The following PRKCH variants were observed in gnomAD, a reference collection of about 807,000 sequenced individuals.
PRKCH encodes the protein protein kinase C eta type.
Under a neutral mutation model 82.5 loss-of-function variants are expected in PRKCH, and 28 were observed. The observed-to-expected ratio is 0.34, with a 90% CI of 0.25 to 0.47. The LOEUF is 0.47. Among genes scored for constraint, PRKCH ranks in the 20% least tolerant of loss-of-function variants. PRKCH has a pLI of 1.00. For synonymous variants in PRKCH, 322 were observed against 327.4 expected, an observed-to-expected ratio of 0.98 and a Z score of 0.18; for missense variants, 705 against 881.8, an observed-to-expected ratio of 0.80 and a Z score of 2.54.
At position 61,188,842 on chromosome 14, in the gene PRKCH, C is replaced by G. The variant is rs538868649; in HGVS notation, c.-19+1174C>G. 1.6e-4 allele frequency among the ~76,000 whole-genome samples: 24 copies of G among 152,034 alleles called. 1 individual carries two copies. The South Asian group carries it at 5.0e-3, about 32-fold the overall frequency. On this transcript the variant is annotated intron_variant, in intron 1 of 3. Transcript: ENST00000555185. ...TCAAGCGATTCTCCTGCCTCAGCCTCCCGAGCAACTGAGATTACAGGCGCC... is the reference window on the plus strand; with the variant it reads ...TCAAGCGATTCTCCTGCCTCAGCCTGCCGAGCAACTGAGATTACAGGCGCC...
chr14:61,401,867 C>T (rs1372708011), intron 2 of PRKCH, among the ~76,000 whole-genome samples: 1 of 152,204 alleles, frequency 6.6e-6, no homozygotes. Context: ...TTGCATGGAA[C>T]ACCATTTTTA....
intron 1 of PRKCH, among the ~76,000 whole-genome samples, chr14:61,272,016 G>C (rs1050430229): frequency 1.3e-5 from 2 of 152,130 alleles, no homozygotes; most frequent in Non-Finnish European, 2.9e-5. Context: ...ACGAGGTCAG[G>C]AGATCGAGAC....
At chr14:61,403,755 G>A (rs979144772) in intron 2 of PRKCH, among the ~76,000 whole-genome samples, 2 of 152,122 alleles carry the variant, frequency 1.3e-5, no homozygotes, top group African/African-American at 2.4e-5. Context: ...TATGGCACTC[G>A]CTTACTGACT....
intron 4 of PRKCH, among the ~76,000 whole-genome samples, chr14:61,447,139 G>C (rs1475486179): frequency 6.6e-6 from 1 of 152,176 alleles, no homozygotes; most frequent in East Asian, 1.9e-4. Context: ...TCAGAAAAAG[G>C]AAAATTATCA....
At position 61,453,349 on chromosome 14, in the gene PRKCH, C is replaced by T; in HGVS notation, c.956C>T (p.Thr319Ile). The T allele has an allele frequency of 6.2e-7, 1 of 1,612,728 alleles. No homozygotes were observed. The highest frequency in any genetic ancestry group is 1.3e-5 in the African/African-American group (1 of 74,978). Residue 319 changes from threonine (T) to isoleucine (I), a missense_variant, in exon 7 of 14, where the codon ACC becomes ATC. By Grantham distance (89) the Thr-to-Ile change is moderately conservative. Transcript: ENST00000332981. ...CTCCAACCCGGAAATATTTCTCCAACCTCGGTGAGACTTTGCTTTTTTTCC... is the reference window on the plus strand; with the variant it reads ...CTCCAACCCGGAAATATTTCTCCAATCTCGGTGAGACTTTGCTTTTTTTCC... Reference protein sequence around the residue: ...MGLQPGNISPTSKLVSRSTLR... With the variant: ...MGLQPGNISPISKLVSRSTLR...
chr14:61,272,344 C>CTTTTTTTTTTTTTTTTTT (rs1162331604), intron 1 of PRKCH, among the ~76,000 whole-genome samples: 8 of 23,612 alleles, frequency 3.4e-4, no homozygotes, highest in African/African-American at 7.6e-4. Flanking sequence ...TTTTTTCTTT[C>CTTTTTTTTTTTTTTTTTT]TTTTTTTTTT....
At chr14:61,215,420 T>A (rs2140048997) in intron 1 of PRKCH, among the ~76,000 whole-genome samples, 1 of 152,282 alleles carries the variant, frequency 6.6e-6, no homozygotes, top group African/African-American at 2.4e-5. Flanking sequence ...GACTCAAGAC[T>A]GCAACATCAA....
intron 1 of PRKCH, among the ~76,000 whole-genome samples, chr14:61,356,498 C>G (rs1594941754): frequency 6.6e-6 from 1 of 152,166 alleles, no homozygotes. Context: ...TCCGGGCTAT[C>G]TCTGGCTTTG....
chr14:61,195,791 G>A (rs1327956070), intron 1 of PRKCH, among the ~76,000 whole-genome samples: 3 of 152,108 alleles, frequency 2.0e-5, no homozygotes, highest in Admixed American at 1.3e-4. Context: ...CAGTGGACAT[G>A]GAGGAGAGAG....
chr14:61,303,577 T>C (rs954095725), intron 1 of PRKCH: 1 of 152,154 alleles, frequency 6.6e-6, no homozygotes, highest in African/African-American at 2.4e-5. Flanking sequence ...ATCTTTAAAA[T>C]GCATTGCATC....
At chr14:61,489,651 A>C (rs1886375120) in intron 10 of PRKCH, among the ~76,000 whole-genome samples, 1 of 152,218 alleles carries the variant, frequency 6.6e-6, no homozygotes, top group Non-Finnish European at 1.5e-5. Flanking sequence ...GGCAGTCATC[A>C]AGTCAGTTCT....
Position 61,457,802 on chromosome 14 carries a change from G to A in PRKCH, c.1278+123G>A, listed in dbSNP as rs112978837. 2,615 of 1,327,646 alleles carry A rather than the reference G, an allele frequency of 2.0e-3. 34 individuals carry two copies. The African/African-American group carries it at 0.033, about 17-fold the overall frequency. The allele number at this position is 1,327,646 out of a possible 1,614,324, so 82.2% of individuals were successfully genotyped here. The stretch of plus-strand genomic sequence containing the variant: ...TTTGGGGGATGGGCTCCCAAGGCAG[G>A]GTCATATGGAGGTATTGGTGACTTC... On this transcript the variant is annotated intron_variant, in intron 9 of 13. Coordinates refer to ENST00000332981, the MANE Select transcript of PRKCH (RefSeq NM_006255.5).
chr14:61,298,657 C>CT (rs1348994306), intron 1 of PRKCH: 2 of 152,136 alleles, frequency 1.3e-5, no homozygotes, highest in African/African-American at 4.8e-5. Flanking sequence ...TTTAATAAAA[C>CT]TTTGTCATGT....
intron 10 of PRKCH, among the ~76,000 whole-genome samples, chr14:61,501,620 A>G (rs1315256753): frequency 6.6e-6 from 1 of 151,886 alleles, no homozygotes; most frequent in East Asian, 1.9e-4. Flanking sequence ...TTTCTGTTTT[A>G]TTTCTAGCAA....
intron 1 of PRKCH, among the ~76,000 whole-genome samples, chr14:61,216,445 G>A (rs953598669): frequency 6.6e-6 from 1 of 151,644 alleles, no homozygotes; most frequent in African/African-American, 2.4e-5. Flanking sequence ...ACTCCGGCCT[G>A]TGTGATAGAG....
At chr14:61,255,398 C>T (rs2044988373) in intron 1 of PRKCH, among the ~76,000 whole-genome samples, 1 of 152,154 alleles carries the variant, frequency 6.6e-6, no homozygotes, top group East Asian at 1.9e-4. Flanking sequence ...GGAACACATT[C>T]TTTTGAAGTG....
At chr14:61,316,325 A>G (rs939613802) in intron 1 of PRKCH, among the ~76,000 whole-genome samples, 1 of 152,184 alleles carries the variant, frequency 6.6e-6, no homozygotes, top group East Asian at 1.9e-4. Context: ...GTTGTGTGAA[A>G]TGTTCCTTAA....
chr14:61,339,475 C>T (rs1469246193), intron 1 of PRKCH, among the ~76,000 whole-genome samples: 1 of 151,126 alleles, frequency 6.6e-6, no homozygotes, highest in Non-Finnish European at 1.5e-5. Context: ...AGGCGCCCAC[C>T]ACCACGCCCG....
chr14:61,251,744 G>GTAGC (rs2044948415), intron 1 of PRKCH, among the ~76,000 whole-genome samples: 2 of 152,146 alleles, frequency 1.3e-5, no homozygotes. Context: ...GGACCATAGG[G>GTAGC]TAGCTCTATT....
Sources: allele counts gnomAD v4.1 joint callset (sites outside exome capture counted in the v4.1 genomes callset), GRCh38; gene constraint gnomAD v4.1.1; transcripts MANE v1.5; gene names NCBI Gene and HGNC (gene_info 2026-07-23, HGNC 2026-07-21).